Variants in CNBD1 observed in about 807,000 individuals in gnomAD.
CNBD1 encodes the protein cyclic nucleotide binding domain containing 1.
A neutral mutation model predicts 54.4 loss-of-function variants in CNBD1; 71 were observed. The observed-to-expected ratio is 1.30, with a 90% confidence interval of 1.08 to 1.59. The LOEUF is 1.59. Ranked by LOEUF, CNBD1 falls within the 40% of genes most tolerant of loss-of-function variation. The pLI is 0.00. For missense variants in CNBD1, 659 were observed against 518.0 expected (o/e 1.27, Z -2.64); for synonymous variants, 182 against 170.7 (o/e 1.07, Z -0.51).
At chr8:87,142,869 T>C (rs150850178) in intron 4 of CNBD1, among the ~76,000 whole-genome samples, 5 of 144,926 alleles carry the variant, frequency 3.5e-5, no homozygotes, top group Non-Finnish European at 6.0e-5. Context: ...GTTCGTGAGA[T>C]TTTCGTGTGT....
chr8:86,965,404 G>A (rs1446825255), intron 4 of CNBD1, among the ~76,000 whole-genome samples: 7 of 152,208 alleles, frequency 4.6e-5, no homozygotes, highest in South Asian at 2.1e-4. Context: ...CCTCCATGAA[G>A]TGAAACTGGG....
intron 4 of CNBD1, among the ~76,000 whole-genome samples, chr8:87,129,565 T>G (rs1266003679): frequency 6.6e-6 from 1 of 152,134 alleles, no homozygotes; most frequent in Non-Finnish European, 1.5e-5. Context: ...CTTTAGGTTA[T>G]CTGTTTTCTA....
chr8:87,073,335 G>A (rs1810796897), intron 4 of CNBD1, among the ~76,000 whole-genome samples: 2 of 152,148 alleles, frequency 1.3e-5, no homozygotes, highest in South Asian at 4.1e-4. Context: ...GCCCACTTCT[G>A]TGCCCTTGCC....
rs1276354330 is a variant in CNBD1 at position 86,974,184 on chromosome 8, C to T, written c.431+34430C>T. Among the ~76,000 whole-genome samples the T allele has an allele frequency of 2.0e-5, 3 of 151,452 alleles. No homozygotes were observed. In the South Asian group the frequency reaches 6.2e-4, roughly 31 times the overall value. Reference sequence around the variant, plus strand: ...AGCTTCATAAGTAGTCAAGGAAATACAAATTAAAACTATCAGGAAATATGA... The same window carrying T: ...AGCTTCATAAGTAGTCAAGGAAATATAAATTAAAACTATCAGGAAATATGA... On this transcript the variant is annotated intron_variant, in intron 4 of 10. Coordinates refer to ENST00000518476, the MANE Select transcript of CNBD1 (RefSeq NM_173538.3).
rs1450383335 is a variant in CNBD1, at chr8:87,323,802, C to T, written c.1043-27883C>T. Among the ~76,000 whole-genome samples, 9 of 81,142 alleles carry T rather than the reference C, an allele frequency of 1.1e-4. 1 individual carries two copies. In the South Asian group the frequency reaches 2.1e-3, roughly 19 times the overall value. 53.2% of individuals were successfully genotyped at this position (81,142 alleles called of 152,430 possible). On this transcript the variant is annotated intron_variant, in intron 8 of 10. Transcript: ENST00000518476. The stretch of plus-strand genomic sequence containing the variant: ...AATTGAATACCCTTTATTTCCTTCT[C>T]CTGCCTGATTGCCCTGGCCAGAACT...
intron 2 of CNBD1, among the ~76,000 whole-genome samples, chr8:87,395,861 G>T (rs1372341226): frequency 6.6e-6 from 1 of 151,878 alleles, no homozygotes; most frequent in Non-Finnish European, 1.5e-5. Flanking sequence ...TATAGTGAGT[G>T]AGTTCTCACA....
At chr8:87,259,319 C>A (rs1357482714) in intron 6 of CNBD1, among the ~76,000 whole-genome samples, 3 of 152,138 alleles carry the variant, frequency 2.0e-5, no homozygotes, top group African/African-American at 7.2e-5. Flanking sequence ...TGGCTAATTC[C>A]ACATATCCCT....
chr8:87,389,139 A>C (rs1029431593), intron 2 of CNBD1, among the ~76,000 whole-genome samples: 1 of 152,188 alleles, frequency 6.6e-6, no homozygotes, highest in Non-Finnish European at 1.5e-5. Flanking sequence ...CCCACAGCCA[A>C]TATCATCCTG....
Position 86,979,417 on chromosome 8 carries a change from AAAAAAAAAAAAG to A in CNBD1, c.431+39664_431+39675del, listed in dbSNP as rs1282208752. Among the ~76,000 whole-genome samples the A allele has an allele frequency of 1.6e-3, 227 of 145,914 alleles. 3 individuals carry two copies. Among genetic ancestry groups the A allele is most frequent in the African/African-American group, 4.3e-3 (169 of 39,114 alleles). Reference sequence around the variant, plus strand: ...ATCATCTCTACAAAAAAAAAAAAAAAAAAAAAAAAAAGGCAAAAACAATTTAGCCTGCCATGG... The same window carrying A: ...ATCATCTCTACAAAAAAAAAAAAAAAGCAAAAACAATTTAGCCTGCCATGG... On this transcript the variant is annotated intron_variant, in intron 4 of 10. Transcript: ENST00000518476.
Position 87,305,310 on chromosome 8 carries a change from A to G in CNBD1, c.1042+18639A>G, listed in dbSNP as rs141700851. 3.6e-3 allele frequency among the ~76,000 whole-genome samples: 542 copies of G among 152,318 alleles called. 3 individuals are homozygous for G. Among genetic ancestry groups the G allele is most frequent in the African/African-American group, 0.012 (518 of 41,580 alleles). ...ATGCTCATGGATGGGTAGAACTGAT[A>G]TTGTGAAAATGACCATATTGCCAAA... On this transcript the variant is annotated intron_variant, in intron 8 of 10. Transcript: ENST00000518476.
chr8:87,231,845 T>A (rs1003910240), intron 5 of CNBD1, among the ~76,000 whole-genome samples: 12 of 152,164 alleles, frequency 7.9e-5, no homozygotes, highest in Non-Finnish European at 1.8e-4. Context: ...AGACAAATAC[T>A]GTATCCCAGA....
intron 4 of CNBD1, among the ~76,000 whole-genome samples, chr8:86,973,705 G>T (rs954388273): frequency 6.6e-6 from 1 of 152,126 alleles, no homozygotes; most frequent in Non-Finnish European, 1.5e-5. Flanking sequence ...CATTGCTTTT[G>T]TACTACCAGG....
At chr8:87,081,288 T>C (rs753795076) in intron 4 of CNBD1, among the ~76,000 whole-genome samples, 1 of 152,124 alleles carries the variant, frequency 6.6e-6, no homozygotes, top group African/African-American at 2.4e-5. Context: ...TGTTTAATTT[T>C]TACTTATTTG....
chr8:87,025,629 C>T (rs1476491227), intron 4 of CNBD1, among the ~76,000 whole-genome samples: 1 of 152,110 alleles, frequency 6.6e-6, no homozygotes, highest in African/African-American at 2.4e-5. Context: ...CTGTGAAGGT[C>T]TGTGGCTTTA....
intron 8 of CNBD1, among the ~76,000 whole-genome samples, chr8:87,305,192 C>A (rs1435678257): frequency 2.0e-5 from 3 of 151,934 alleles, no homozygotes; most frequent in Non-Finnish European, 4.4e-5. Flanking sequence ...TAAGAATATA[C>A]CTAACCAAGA....
chr8:86,908,200 G>C (rs1006626096), intron 3 of CNBD1, among the ~76,000 whole-genome samples: 5 of 152,214 alleles, frequency 3.3e-5, no homozygotes, highest in Non-Finnish European at 7.3e-5. Context: ...GAGACGTTGA[G>C]AAACAATTCT....
At chr8:87,165,480 C>T (rs116951943) in intron 4 of CNBD1, among the ~76,000 whole-genome samples, 57 of 151,978 alleles carry the variant, frequency 3.8e-4, no homozygotes, top group Non-Finnish European at 5.2e-4. Flanking sequence ...CTCAATGGAT[C>T]GACACTTTTG....
chr8:87,031,300 C>T (rs1475990231), intron 4 of CNBD1, among the ~76,000 whole-genome samples: 1 of 151,934 alleles, frequency 6.6e-6, no homozygotes, highest in Non-Finnish European at 1.5e-5. Context: ...GAGTACACCA[C>T]ATCATGGAAA....
In CNBD1 at chr8:86,887,613, TA is replaced by T; in HGVS notation, c.158+4del. ...ATGCCACATTAGAGGACAACACAGG[TA>T]AGCTATTCATGCATTTCTTTTTCTG... On this transcript the variant is annotated splice_donor_region_variant and intron_variant, in intron 2 of 10. Coordinates refer to ENST00000518476, the MANE Select transcript of CNBD1 (RefSeq NM_173538.3). 1 of 1,570,740 alleles carries T rather than the reference TA, an allele frequency of 6.4e-7. No homozygotes were observed. The highest frequency in any genetic ancestry group is 8.7e-7 in the Non-Finnish European group (1 of 1,153,404).
Sources: allele counts gnomAD v4.1 joint callset (sites outside exome capture counted in the v4.1 genomes callset), GRCh38; gene constraint gnomAD v4.1.1; transcripts MANE v1.5; gene names NCBI Gene and HGNC (gene_info 2026-07-23, HGNC 2026-07-21).